The following NR5A2 variants were observed in gnomAD, a reference collection of about 807,000 sequenced individuals.
The protein encoded by NR5A2 is CYP7A promoter-binding factor.
Under a neutral mutation model 62.7 loss-of-function variants are expected in NR5A2, and 26 were observed. That is an observed-to-expected ratio of 0.41 (90% CI 0.30 to 0.58). The LOEUF is 0.58. Ranked by LOEUF, NR5A2 falls within the 20% of genes least tolerant of loss-of-function variation. The pLI, the probability that NR5A2 is intolerant of heterozygous loss-of-function variation, is 0.22. For synonymous variants in NR5A2, 246 were observed against 241.7 expected (o/e 1.02, Z -0.16); for missense variants, 541 against 669.1 (o/e 0.81, Z 2.11).
At position 200,048,126 on chromosome 1, in the gene NR5A2, C is replaced by A. The variant is rs1045174407; in HGVS notation, c.464-46C>A. 5 of 1,495,176 alleles carry A rather than the reference C, an allele frequency of 3.3e-6. No homozygotes were observed. The Admixed American group carries it at 6.5e-5, about 19-fold the overall frequency. 92.6% of individuals were successfully genotyped at this position (1,495,176 alleles called of 1,614,324 possible). A position where few individuals can be genotyped will look rare whatever the true frequency, so the allele number is the denominator to read the frequency against. On this transcript the variant is annotated intron_variant, in intron 4 of 7. Transcript: ENST00000367362. The surrounding 1 kb of genome is among the most constrained non-coding windows in gnomAD (Gnocchi z 4.8). The stretch of plus-strand genomic sequence containing the variant: ...ATCTGAAGAATGCTAATAATTTGCA[C>A]CTTATTTATACCTTTCCTTCCTTCC...
intron 5 of NR5A2, among the ~76,000 whole-genome samples, chr1:200,103,743 G>T (rs1230533999): frequency 6.6e-6 from 1 of 152,202 alleles, no homozygotes; most frequent in Non-Finnish European, 1.5e-5. Context: ...AGGAGAAGGA[G>T]GCATACGGAT....
chr1:200,082,869 A>AT (rs1417105592), intron 5 of NR5A2, among the ~76,000 whole-genome samples: 18 of 152,184 alleles, frequency 1.2e-4, no homozygotes, highest in African/African-American at 1.7e-4. Flanking sequence ...TTAACCTAAA[A>AT]AGGCATGCAA....
intron 7 of NR5A2, among the ~76,000 whole-genome samples, chr1:200,130,861 G>T (rs1298728565): frequency 6.6e-6 from 1 of 152,122 alleles, no homozygotes; most frequent in Non-Finnish European, 1.5e-5. Flanking sequence ...CAAGAGCATT[G>T]GTTAAATTGT....
At chr1:200,064,050 G>T (rs566239021) in intron 5 of NR5A2, among the ~76,000 whole-genome samples, 1 of 152,150 alleles carries the variant, frequency 6.6e-6, no homozygotes, top group Admixed American at 6.5e-5. Context: ...TCAGGAGTCT[G>T]AGGCAGGAGA....
intron 7 of NR5A2, among the ~76,000 whole-genome samples, chr1:200,131,297 G>C (rs1260920456): frequency 6.6e-6 from 1 of 152,084 alleles, no homozygotes; most frequent in Non-Finnish European, 1.5e-5. Context: ...TCATTTTGGA[G>C]TTCTAAGTTT....
chr1:200,093,882 C>T (rs1664933997), intron 5 of NR5A2, among the ~76,000 whole-genome samples: 1 of 152,152 alleles, frequency 6.6e-6, no homozygotes, highest in Non-Finnish European at 1.5e-5. Context: ...CTTGGCCGGG[C>T]ACAGTGGCCC....
intron 5 of NR5A2, among the ~76,000 whole-genome samples, chr1:200,050,557 A>AT (rs35880749): frequency 0.019 from 2,871 of 152,348 alleles, 51 homozygotes; most frequent in Non-Finnish European, 0.026. Context: ...GGAGTCTGGC[A>AT]TATACTACAT....
At chr1:200,160,066 G>A (rs112349501) in intron 7 of NR5A2, among the ~76,000 whole-genome samples, 10 of 152,148 alleles carry the variant, frequency 6.6e-5, no homozygotes, top group South Asian at 2.1e-4. Flanking sequence ...AGCTGGTATC[G>A]CTTGCTACCC....
chr1:200,126,184 GA>G (rs904289658), intron 7 of NR5A2, among the ~76,000 whole-genome samples: 9 of 151,930 alleles, frequency 5.9e-5, no homozygotes, highest in African/African-American at 2.2e-4. Context: ...AATTTGGAAG[GA>G]AAAAAACAGT....
chr1:200,076,455 A>ATT (rs11430284), intron 5 of NR5A2, among the ~76,000 whole-genome samples: 2,124 of 146,306 alleles, frequency 0.015, 16 homozygotes, highest in African/African-American at 0.02. Context: ...ATGCCCAGGA[A>ATT]TTTTTTTTTT....
At chr1:200,078,728 C>T (rs72739199) in intron 5 of NR5A2, among the ~76,000 whole-genome samples, 206 of 152,168 alleles carry the variant, frequency 1.4e-3, no homozygotes, top group Non-Finnish European at 2.0e-3. Flanking sequence ...CTCATTAGAT[C>T]CTTTATTTAC....
At chr1:200,063,968 G>A (rs960004329) in intron 5 of NR5A2, among the ~76,000 whole-genome samples, 3 of 152,220 alleles carry the variant, frequency 2.0e-5, no homozygotes, top group African/African-American at 4.8e-5. Flanking sequence ...GGCCAACATG[G>A]CAAAACCCCG....
intron 5 of NR5A2, among the ~76,000 whole-genome samples, chr1:200,090,044 A>C (rs1664745701): frequency 6.6e-6 from 1 of 152,090 alleles, no homozygotes; most frequent in African/African-American, 2.4e-5. Flanking sequence ...TATCTGGCAA[A>C]ATCTGGGATG....
chr1:200,111,981 C>A (rs1030247508), intron 6 of NR5A2, among the ~76,000 whole-genome samples: 1 of 151,360 alleles, frequency 6.6e-6, no homozygotes, highest in East Asian at 1.9e-4. Flanking sequence ...CCTGCCCCTG[C>A]GGAACTTAAT....
chr1:200,068,668 T>TAC (rs1312007633), intron 5 of NR5A2, among the ~76,000 whole-genome samples: 1 of 152,176 alleles, frequency 6.6e-6, no homozygotes, highest in Non-Finnish European at 1.5e-5. Flanking sequence ...ACCTGGAGCA[T>TAC]ACACATTGCT....
Position 200,034,783 on chromosome 1 carries a change from C to CTTTTTTTTTTTTTT in NR5A2, c.65-4857_65-4844dup, listed in dbSNP as rs767393832. On this transcript the variant is annotated intron_variant, in intron 1 of 7. Coordinates refer to ENST00000367362, the MANE Select transcript of NR5A2 (RefSeq NM_205860.3). ...GTTATTCACACGTGCAGCAGAAAGGCTTTTTTTTTTTTTTTTTTTTTTTTT... is the reference window on the plus strand; with the variant it reads ...GTTATTCACACGTGCAGCAGAAAGGCTTTTTTTTTTTTTTTTTTTTTTTTTTTTTTTTTTTTTTT... Among the ~76,000 whole-genome samples, 4 of 71,286 alleles carry CTTTTTTTTTTTTTT rather than the reference C, an allele frequency of 5.6e-5. 1 individual carries two copies. Among genetic ancestry groups the CTTTTTTTTTTTTTT allele is most frequent in the African/African-American group, 2.1e-4 (4 of 18,910 alleles). 46.8% of individuals were successfully genotyped at this position (71,286 alleles called of 152,430 possible).
chr1:200,133,045 G>T (rs1667034032), intron 7 of NR5A2, among the ~76,000 whole-genome samples: 1 of 152,148 alleles, frequency 6.6e-6, no homozygotes, highest in South Asian at 2.1e-4. Flanking sequence ...TGAAATTTTT[G>T]AACTCCACAC....
At chr1:200,078,444 G>A (rs1664141799) in intron 5 of NR5A2, among the ~76,000 whole-genome samples, 1 of 152,150 alleles carries the variant, frequency 6.6e-6, no homozygotes, top group African/African-American at 2.4e-5. Flanking sequence ...AAGACAATGG[G>A]CCTAGGGAGG....
At chr1:200,156,862 G>T (rs1300033860) in intron 7 of NR5A2, among the ~76,000 whole-genome samples, 1 of 152,206 alleles carries the variant, frequency 6.6e-6, no homozygotes, top group African/African-American at 2.4e-5. Context: ...TGTTCAGAAG[G>T]TTAGGTGTAG....
Sources: gnomAD v4.1 joint callset for allele counts (sites outside exome capture counted in the v4.1 genomes callset) on GRCh38, gnomAD v4.1.1 for gene constraint, Gnocchi (gnomAD v3.1) non-coding constraint, MANE v1.5 for transcripts, NCBI Gene and HGNC (gene_info 2026-07-23, HGNC 2026-07-21) for gene names.